FIP1L1: variants seen among roughly 807,000 people sequenced by gnomAD.
FIP1L1 encodes factor interacting with PAPOLA and CPSF1.
Under a neutral mutation model 84.6 loss-of-function variants are expected in FIP1L1, and 21 were observed. That is an observed-to-expected ratio of 0.25 (90% CI 0.18 to 0.36). The LOEUF is 0.36. FIP1L1 is among the 10% of genes least tolerant of loss of function. The probability of loss-of-function intolerance (pLI) is 1.00; values close to 1 mark genes in which losing one functional copy is unlikely to be tolerated. For synonymous variants in FIP1L1, 263 were observed against 242.3 expected (o/e 1.09, Z -0.80); for missense variants, 526 against 751.1 (o/e 0.70, Z 3.50).
At chr4:53,422,035 ATTG>A (rs916960934) in intron 11 of FIP1L1, among the ~76,000 whole-genome samples, 64 of 152,290 alleles carry the variant, frequency 4.2e-4, no homozygotes, top group African/African-American at 1.4e-3. Flanking sequence ...TGAATTGGGC[ATTG>A]TTGTGCTTCA....
chr4:53,445,273 T>G (rs980110438), intron 15 of FIP1L1, among the ~76,000 whole-genome samples: 2 of 152,106 alleles, frequency 1.3e-5, no homozygotes, highest in African/African-American at 2.4e-5. Flanking sequence ...ATGAGGAAGT[T>G]TTGAATTTAT....
At position 53,383,781 on chromosome 4, in the gene FIP1L1, T is replaced by A. The variant is rs1475418518; in HGVS notation, c.237T>A (p.Thr79=). The change falls in exon 5 of 18, where the codon ACT becomes ACA. Residue 79 remains threonine (T), a synonymous_variant. Transcript: ENST00000337488. ...TGTTTATGTTCATGTAGAAAGTGAC[T>A]GAGACCGAAGATGATAGTGATAGTG... The part of the protein sequence containing the change: ...AENGVPKPKV[T]ETEDDSDSDS... The A allele has an allele frequency of 6.2e-7, 1 of 1,608,658 alleles. No homozygotes were observed. Among genetic ancestry groups the A allele is most frequent in the South Asian group, 1.1e-5 (1 of 90,802 alleles).
chr4:53,447,418 CTT>C (rs1774690518), intron 15 of FIP1L1, among the ~76,000 whole-genome samples: 1 of 152,098 alleles, frequency 6.6e-6, no homozygotes, highest in Non-Finnish European at 1.5e-5. Flanking sequence ...CTTTCTAAGC[CTT>C]CACTGAACTT....
At chr4:53,427,798 C>G (rs570423503) in intron 12 of FIP1L1, among the ~76,000 whole-genome samples, 2 of 151,934 alleles carry the variant, frequency 1.3e-5, no homozygotes, top group South Asian at 4.2e-4. Flanking sequence ...GTTGTTTTTT[C>G]TTAAGATTTG....
chr4:53,410,279 C>T (rs552792520), intron 10 of FIP1L1, among the ~76,000 whole-genome samples: 4 of 152,178 alleles, frequency 2.6e-5, no homozygotes, highest in Non-Finnish European at 4.4e-5. Flanking sequence ...CTTAACTGAG[C>T]TTTTTCACCT....
chr4:53,417,471 G>A (rs1303694188), intron 11 of FIP1L1, among the ~76,000 whole-genome samples: 3 of 151,380 alleles, frequency 2.0e-5, no homozygotes, highest in Non-Finnish European at 4.4e-5. Context: ...GAGAAACCCC[G>A]TCTCTACTAA....
chr4:53,405,190 G>A lies in FIP1L1; in HGVS notation c.815+5351G>A, dbSNP rs1460462334. ...CATCTTGAATTAATTTTTGTATAAG[G>A]TGTAAGGAAGGGATCCAGTTTCAGC... On this transcript the variant is annotated intron_variant, in intron 10 of 17. Coordinates refer to ENST00000337488, the MANE Select transcript of FIP1L1 (RefSeq NM_030917.4). 3.9e-5 allele frequency among the ~76,000 whole-genome samples: 6 copies of A among 152,218 alleles called. No individual in the cohort carries two copies. The South Asian group carries it at 1.0e-3, about 26-fold the overall frequency.
chr4:53,434,676 C>T (rs1249602026), intron 13 of FIP1L1, among the ~76,000 whole-genome samples: 1 of 152,136 alleles, frequency 6.6e-6, no homozygotes, highest in Non-Finnish European at 1.5e-5. Flanking sequence ...CCATGTTGGT[C>T]AGGCTGGTCT....
At chr4:53,445,735 C>T (rs1039781092) in intron 15 of FIP1L1, among the ~76,000 whole-genome samples, 3 of 152,128 alleles carry the variant, frequency 2.0e-5, no homozygotes, top group African/African-American at 7.2e-5. Flanking sequence ...CAACTTTTGT[C>T]CTTTCTGGTA....
At chr4:53,402,680 C>T (rs1029648634) in intron 10 of FIP1L1, among the ~76,000 whole-genome samples, 7 of 152,120 alleles carry the variant, frequency 4.6e-5, no homozygotes, top group East Asian at 3.9e-4. Context: ...CCAGCCTTGG[C>T]GACAGAGTGA....
At chr4:53,454,705 A>G (rs1433672835) in intron 16 of FIP1L1, among the ~76,000 whole-genome samples, 1 of 152,158 alleles carries the variant, frequency 6.6e-6, no homozygotes, top group African/African-American at 2.4e-5. Context: ...CAGGATTTTC[A>G]GGGTGGTAAA....
intron 5 of FIP1L1, among the ~76,000 whole-genome samples, chr4:53,384,549 A>C (rs1428529711): frequency 6.6e-6 from 1 of 152,222 alleles, no homozygotes; most frequent in Middle Eastern, 3.2e-3. Flanking sequence ...TTGCCTAATA[A>C]AAACAATATC....
intron 13 of FIP1L1, among the ~76,000 whole-genome samples, chr4:53,435,474 CAT>C (rs1768725503): frequency 6.6e-6 from 1 of 152,142 alleles, no homozygotes; most frequent in Non-Finnish European, 1.5e-5. Flanking sequence ...TATTAAAAAA[CAT>C]AGGTATTTCT....
intron 11 of FIP1L1, among the ~76,000 whole-genome samples, chr4:53,418,168 G>A (rs1173908407): frequency 6.6e-6 from 1 of 151,772 alleles, no homozygotes; most frequent in Non-Finnish European, 1.5e-5. Flanking sequence ...GTGCACCTGT[G>A]GCCCCAGCTA....
At chr4:53,378,043 C>A in intron 1 of FIP1L1, 120 bp downstream of exon 1, 1 of 932,556 alleles carries the variant, frequency 1.1e-6, no homozygotes, top group Non-Finnish European at 1.6e-6. Flanking sequence ...GGAGTCCTGT[C>A]CGGCCTGACT....
intron 15 of FIP1L1, among the ~76,000 whole-genome samples, chr4:53,448,140 A>G (rs1774986848): frequency 6.6e-6 from 1 of 152,078 alleles, no homozygotes; most frequent in South Asian, 2.1e-4. Context: ...AAAAGTTTTC[A>G]AGTTTTGCTC....
intron 10 of FIP1L1, among the ~76,000 whole-genome samples, chr4:53,409,013 T>C (rs1755507991): frequency 6.6e-6 from 1 of 152,268 alleles, no homozygotes; most frequent in South Asian, 2.1e-4. Context: ...GCATTCTCTG[T>C]CCAGCTTTGT....
At chr4:53,378,218 C>T (rs1735739096) in intron 1 of FIP1L1, 1 of 325,406 alleles carries the variant, frequency 3.1e-6, no homozygotes, top group Non-Finnish European at 5.6e-6. Context: ...GTCTCGATCG[C>T]CTAGCTGCTG....
chr4:53,400,842 C>T (rs10017903), intron 10 of FIP1L1, among the ~76,000 whole-genome samples: 105,627 of 152,102 alleles, frequency 0.69, 36,748 homozygotes, highest in Middle Eastern at 0.72. Context: ...GAATTTATGA[C>T]AGCTAAGCTT....
Sources: gnomAD v4.1 joint callset for allele counts (sites outside exome capture counted in the v4.1 genomes callset) on GRCh38, gnomAD v4.1.1 for gene constraint, MANE v1.5 for transcripts, NCBI Gene and HGNC (gene_info 2026-07-23, HGNC 2026-07-21) for gene names.